The following NEURL4 variants were observed in gnomAD, a reference collection of about 807,000 sequenced individuals.
NEURL4 encodes neuralized E3 ubiquitin protein ligase 4, also known as neuralized-like protein 4.
NEURL4 carries 45 observed loss-of-function variants against 148.0 expected under a neutral mutation model. The ratio of observed to expected loss-of-function variants is 0.30; its 90% confidence interval spans 0.24 to 0.39. The LOEUF (loss-of-function observed/expected upper bound fraction) is 0.39. NEURL4 is among the 10% of genes least tolerant of loss of function. The pLI, the probability that NEURL4 is intolerant of heterozygous loss-of-function variation, is 1.00. For missense variants in NEURL4, 1,776 were observed against 2,144.0 expected, an observed-to-expected ratio of 0.83 and a Z score of 3.39; for synonymous variants, 854 against 869.0, an observed-to-expected ratio of 0.98 and a Z score of 0.30.
At chr17:7,319,396 T>C (rs2072997202) in intron 21 of NEURL4, among the ~76,000 whole-genome samples, 188 bp from the exon 22 acceptor site, 1 of 83,686 alleles carries the variant, frequency 1.2e-5, no homozygotes, top group Non-Finnish European at 3.0e-5. Context: ...TTTTTTTTTT[T>C]TTTTTTTAAA....
intron 27 of NEURL4, 39 bp downstream of exon 27, chr17:7,317,422 C>G (rs903040820): frequency 5.0e-6 from 8 of 1,613,014 alleles, no homozygotes; most frequent in Non-Finnish European, 6.8e-6. Context: ...CACAGCCCCC[C>G]AGGCTCAGCC....
chr17:7,317,214 G>A lies in NEURL4; in HGVS notation c.4475C>T (p.Ser1492Phe), dbSNP rs1170808345. ...LQYAGAETLA[S>F]KVQFRDPKSQ... ...CCCTCCCAGTACTCACTGCACTTTG[G>A]AGGCCAGGGTCTCCGCCCCAGCATA... The change falls in exon 28 of 29, where the codon TCC (serine) becomes TTC (phenylalanine). Residue 1492 changes from serine to phenylalanine, a missense_variant. Ser to Phe is a radical substitution (Grantham distance 155). Coordinates refer to ENST00000399464, the MANE Select transcript of NEURL4 (RefSeq NM_032442.3). 9 of 1,509,878 alleles carry A rather than the reference G, an allele frequency of 6.0e-6. No homozygotes were observed. The African/African-American group carries it at 1.3e-4, about 21-fold the overall frequency. The allele number at this position is 1,509,878 out of a possible 1,614,324, so 93.5% of individuals were successfully genotyped here.
Position 7,326,834 on chromosome 17 carries a change from CTT to C in NEURL4, c.967_968del (p.Lys323ValfsTer11). Reference protein sequence around the residue: ...TSNDALLFHEKCGTLIKLSNN... With the variant: ...TSNDALLFHEXCGTLIKLSNN... ...TGCTGAGTTTGATGAGGGTCCCGCA[CTT>C]TTCATGAAAGAGCAGGGCATCGTTG... On this transcript the variant is annotated frameshift_variant, in exon 4 of 29. Transcript: ENST00000399464. LOFTEE classifies it high-confidence loss of function. The surrounding 1 kb of genome is among the most constrained non-coding windows in gnomAD (Gnocchi z 6.0). 1 of 1,613,858 alleles carries C rather than the reference CTT, an allele frequency of 6.2e-7. No individual in the cohort carries two copies. The highest frequency in any genetic ancestry group is 8.5e-7 in the Non-Finnish European group (1 of 1,179,954).
Position 7,326,816 on chromosome 17 carries a change from T to C in NEURL4, c.987A>G (p.Lys329=), listed in dbSNP as rs1179754441. The C allele has an allele frequency of 3.1e-6, 5 of 1,613,266 alleles. No individual in the cohort carries two copies. The African/African-American group carries it at 6.7e-5, about 22-fold the overall frequency. ...LFHEKCGTLI[K]LSNNNKTAER... ...CAGCCGTCTTATTATTGTTGCTGAG[T>C]TTGATGAGGGTCCCGCACTTTTCAT... Residue 329 remains lysine (K), a synonymous_variant, in exon 4 of 29, where the codon AAA becomes AAG. Coordinates refer to ENST00000399464, the MANE Select transcript of NEURL4 (RefSeq NM_032442.3). This position sits in a 1 kb window ranked among gnomAD's most constrained non-coding sequence, Gnocchi z 6.0.
Position 7,327,663 on chromosome 17 carries a change from C to T in NEURL4, c.504G>A (p.Glu168=). Reference sequence around the variant, plus strand: ...CCCGCCCATTCACCCAGAGCCGAAGCTCCCCAGCAACTGTGCGCTCCACGC... The same window carrying T: ...CCCGCCCATTCACCCAGAGCCGAAGTTCCCCAGCAACTGTGCGCTCCACGC... ...RVGVERTVAG[E]LRLWVNGRDC... is the part of the protein sequence containing the mutation. The change falls in exon 2 of 29, where the codon GAG becomes GAA. Residue 168 remains glutamate, a synonymous_variant. Coordinates refer to ENST00000399464, the MANE Select transcript of NEURL4 (RefSeq NM_032442.3). The surrounding 1 kb of genome is among the most constrained non-coding windows in gnomAD (Gnocchi z 6.6). 6.2e-7 allele frequency: 1 copy of T among 1,613,860 alleles called. No individual in the cohort carries two copies. Among genetic ancestry groups the T allele is most frequent in the Non-Finnish European group, 8.5e-7 (1 of 1,180,026 alleles).
rs371400717 is a variant in NEURL4 at position 7,324,358 on chromosome 17, C to T, written c.1899+37G>A. ...ATCAGCCCCGCGGTGTTTGTGATGC[C>T]CGCTGCGGCCGCCAGGCGGCGCACC... On this transcript the variant is annotated intron_variant, in intron 10 of 28. Coordinates refer to ENST00000399464, the MANE Select transcript of NEURL4 (RefSeq NM_032442.3). The surrounding 1 kb of genome is among the most constrained non-coding windows in gnomAD (Gnocchi z 5.9). 96 of 1,613,880 alleles carry T rather than the reference C, an allele frequency of 5.9e-5. No individual in the cohort carries two copies. The highest frequency in any genetic ancestry group is 4.9e-4 in the Middle Eastern group (3 of 6,062).
Position 7,326,069 on chromosome 17 carries a change from C to G in NEURL4, c.1293+186G>C, listed in dbSNP as rs1288564205. The stretch of plus-strand genomic sequence containing the variant: ...GGGAAAACAGTAAGAGGAATTCAAC[C>G]ATCTGACTCCAAAATCTGAGTGCTG... On this transcript the variant is annotated intron_variant, in intron 6 of 28. Coordinates refer to ENST00000399464, the MANE Select transcript of NEURL4 (RefSeq NM_032442.3). The surrounding 1 kb of genome is among the most constrained non-coding windows in gnomAD (Gnocchi z 6.0). Among the ~76,000 whole-genome samples, 2 of 152,192 alleles carry G rather than the reference C, an allele frequency of 1.3e-5. No individual in the cohort carries two copies. The highest frequency in any genetic ancestry group is 2.9e-5 in the Non-Finnish European group (2 of 68,036).
At position 7,319,976 on chromosome 17, in the gene NEURL4, C is replaced by T. The variant is rs1427102056; in HGVS notation, c.3526-768G>A. On this transcript the variant is annotated intron_variant, in intron 21 of 28. Transcript: ENST00000399464. ...TCCCGAGTAGCTGGGACTACAGGCG[C>T]CCGCCACCACGCCCGGCTAATTTTT... is the stretch of plus-strand genomic sequence containing the variant. Among the ~76,000 whole-genome samples, 45 of 151,736 alleles carry T rather than the reference C, an allele frequency of 3.0e-4. 1 individual carries two copies. Among genetic ancestry groups the T allele is most frequent in the Non-Finnish European group, 4.4e-5 (3 of 67,926 alleles).
At position 7,323,060 on chromosome 17, in the gene NEURL4, C is replaced by T. The variant is rs567332480; in HGVS notation, c.2481G>A (p.Ala827=). 1.3e-4 allele frequency: 215 copies of T among 1,613,792 alleles called. No homozygotes were observed. In the South Asian group the frequency reaches 1.4e-3, roughly 11 times the overall value. The change falls in exon 15 of 29, where the codon GCG becomes GCA. Residue 827 remains alanine (A), a synonymous_variant. Coordinates refer to ENST00000399464, the MANE Select transcript of NEURL4 (RefSeq NM_032442.3). ...TGCCAATGCGTGCACCTGTGCCCAG[C>T]GCATCCAGGTCACACCCATAATTGT... ...MRNNYGCDLD[A]LGTGARIGMM...
rs775345780 is a variant in NEURL4, at chr17:7,321,976, G to A, written c.2760C>T (p.Cys920=). The part of the protein sequence containing the change: ...AGVAHRFHST[C]GKNVTLEEDG... Reference sequence around the variant, plus strand: ...CCTCCTCTAGAGTGACGTTCTTGCCGCAAGTACTGTGGAATCGGTGAGCCA... The same window carrying A: ...CCTCCTCTAGAGTGACGTTCTTGCCACAAGTACTGTGGAATCGGTGAGCCA... The change falls in exon 17 of 29, where the codon TGC becomes TGT. Residue 920 remains cysteine, a synonymous_variant. Coordinates refer to ENST00000399464, the MANE Select transcript of NEURL4 (RefSeq NM_032442.3). This position sits in a 1 kb window ranked among gnomAD's most constrained non-coding sequence, Gnocchi z 6.3. 1.9e-5 allele frequency: 30 copies of A among 1,612,276 alleles called. No homozygotes were observed. Among genetic ancestry groups the A allele is most frequent in the South Asian group, 7.7e-5 (7 of 90,978 alleles).
chr17:7,317,502 G>A lies in NEURL4; in HGVS notation c.4277C>T (p.Ala1426Val), dbSNP rs963778806. 1.2e-6 allele frequency: 2 copies of A among 1,614,144 alleles called. No individual in the cohort carries two copies. Among genetic ancestry groups the A allele is most frequent in the Middle Eastern group, 1.6e-4 (1 of 6,062 alleles). Residue 1426 changes from alanine (A) to valine (V), a missense_variant, in exon 27 of 29, where the codon GCC (alanine) becomes GTC (valine). By Grantham distance (64) the Ala-to-Val change is moderately conservative (BLOSUM62 0). Coordinates refer to ENST00000399464, the MANE Select transcript of NEURL4 (RefSeq NM_032442.3). ...WHMAYHGSNVAAVRRVLDRGE... is the reference protein window; with the variant it reads ...WHMAYHGSNVVAVRRVLDRGE... ...TCGGTCCAGCACTCTCCGTACAGCG[G>A]CAACATTGCTCCCGTGATATGCCAT...
rs1323499611 is a variant in NEURL4 at position 7,325,335 on chromosome 17, G to T, written c.1505C>A (p.Ser502Tyr). Residue 502 changes from serine to tyrosine, a missense_variant, in exon 8 of 29, where the codon TCC (serine) becomes TAC (tyrosine). Coordinates refer to ENST00000399464, the MANE Select transcript of NEURL4 (RefSeq NM_032442.3). ...RRNNAILRAL[S>Y]PEGALRRAAP... Reference sequence around the variant, plus strand: ...AGCACGGCGGAGAGCACCCTCGGGGGACAGCGCCCGCAGGATGGCGTTGTT... The same window carrying T: ...AGCACGGCGGAGAGCACCCTCGGGGTACAGCGCCCGCAGGATGGCGTTGTT... The T allele has an allele frequency of 1.9e-6, 3 of 1,613,352 alleles. No homozygotes were observed. The highest frequency in any genetic ancestry group is 1.1e-5 in the South Asian group (1 of 91,074).
chr17:7,329,256 C>CCCCCCCCG lies in NEURL4; in HGVS notation c.56_57insCGGGGGGG (p.Gly23AlafsTer33). On this transcript the variant is annotated frameshift_variant, in exon 1 of 29. Transcript: ENST00000399464. LOFTEE classifies it high-confidence loss of function. ...TCCCGCTGGGGCCCCCACCCCCGCC[C>CCCCCCCCG]GGCCCCGGTCCAGGGCCTCCCCCAG... The CCCCCCCCG allele has an allele frequency of 2.1e-6, 3 of 1,405,798 alleles. No homozygotes were observed. Among genetic ancestry groups the CCCCCCCCG allele is most frequent in the African/African-American group, 1.5e-5 (1 of 67,146 alleles). The allele number at this position is 1,405,798 out of a possible 1,614,324, so 87.1% of individuals were successfully genotyped here. A position where few individuals can be genotyped will look rare whatever the true frequency, so the allele number is the denominator to read the frequency against.
chr17:7,316,205 T>G lies in NEURL4; in HGVS notation c.4607A>C (p.His1536Pro). The G allele has an allele frequency of 6.2e-7, 1 of 1,611,450 alleles. No individual in the cohort carries two copies. The highest frequency in any genetic ancestry group is 8.5e-7 in the Non-Finnish European group (1 of 1,177,662). ...CCACTCAAGTTCGGCTGGACTGAAG[T>G]GAGGGTCAGGAGGTTCTCCAAGGGC... ...SAALGEPPDPHFSPAELEWVT... is the reference protein window; with the variant it reads ...SAALGEPPDPPFSPAELEWVT... The change falls in exon 29 of 29, where the codon CAC (histidine) becomes CCC (proline). Residue 1536 changes from histidine (H) to proline (P), a missense_variant. By Grantham distance (77) the His-to-Pro change is moderately conservative. Coordinates refer to ENST00000399464, the MANE Select transcript of NEURL4 (RefSeq NM_032442.3).
rs1567622503 is a variant in NEURL4 at position 7,325,413 on chromosome 17, G to C, written c.1427C>G (p.Ala476Gly). Reference sequence around the variant, plus strand: ...ATTGTGGACGATGGTCACCTTCACTGCCATCCCGTACAAGTCCACCACACC... The same window carrying C: ...ATTGTGGACGATGGTCACCTTCACTCCCATCCCGTACAAGTCCACCACACC... ...VYGVVDLYGM[A>G]VKVTIVHNNN... Residue 476 changes from alanine to glycine, a missense_variant, in exon 8 of 29, where the codon GCA (alanine) becomes GGA (glycine). Coordinates refer to ENST00000399464, the MANE Select transcript of NEURL4 (RefSeq NM_032442.3). 6.2e-7 allele frequency: 1 copy of C among 1,612,742 alleles called. No individual in the cohort carries two copies. Among genetic ancestry groups the C allele is most frequent in the Admixed American group, 1.7e-5 (1 of 59,972 alleles).
intron 21 of NEURL4, 142 bp from the exon 22 acceptor site, chr17:7,319,350 G>A (rs2072994963): frequency 1.1e-5 from 4 of 378,672 alleles, no homozygotes; most frequent in Admixed American, 4.5e-5. Flanking sequence ...ACCAGAAAAC[G>A]CTAATTTAGT....
rs1429802043 is a variant in NEURL4, at chr17:7,318,584, G to A, written c.3775C>T (p.His1259Tyr). 3.7e-6 allele frequency: 6 copies of A among 1,614,086 alleles called. No individual in the cohort carries two copies. The highest frequency in any genetic ancestry group is 4.2e-6 in the Non-Finnish European group (5 of 1,179,996). Residue 1259 changes from histidine to tyrosine, a missense_variant, in exon 23 of 29, where the codon CAT becomes TAT. Physicochemically the swap from His to Tyr is moderately conservative, Grantham distance 83. Transcript: ENST00000399464. This position sits in a 1 kb window ranked among gnomAD's most constrained non-coding sequence, Gnocchi z 4.3. ...RLDSSGGLHL[H>Y]VNGVDQGVAV... ...ACCCCCTGGTCCACCCCATTAACAT[G>A]AAGATGCAGCCCCCCAGAGCTGTCC...
intron 28 of NEURL4, 42 bp downstream of exon 28, chr17:7,317,163 C>T (rs760841800): frequency 1.4e-6 from 2 of 1,433,908 alleles, no homozygotes; most frequent in East Asian, 2.5e-5. Flanking sequence ...CCCTCTCCAT[C>T]CGAGCCCCTG....
Position 7,321,080 on chromosome 17 carries a change from T to C in NEURL4, c.3360+32A>G. 1 of 1,608,114 alleles carries C rather than the reference T, an allele frequency of 6.2e-7. No homozygotes were observed. Among genetic ancestry groups the C allele is most frequent in the South Asian group, 1.1e-5 (1 of 90,832 alleles). On this transcript the variant is annotated intron_variant, in intron 20 of 28. Coordinates refer to ENST00000399464, the MANE Select transcript of NEURL4 (RefSeq NM_032442.3). The surrounding 1 kb of genome is among the most constrained non-coding windows in gnomAD (Gnocchi z 6.3). ...CAACGGCCCAGCAACTGCCCATCCA[T>C]GTGCACAGCAGACCATGCTGCAGCC...
Sources: gnomAD v4.1 joint callset for allele counts (sites outside exome capture counted in the v4.1 genomes callset) on GRCh38, gnomAD v4.1.1 for gene constraint, Gnocchi (gnomAD v3.1) non-coding constraint, MANE v1.5 for transcripts, NCBI Gene and HGNC (gene_info 2026-07-23, HGNC 2026-07-21) for gene names.